The following SYNE1 variants were observed in gnomAD, a reference collection of about 807,000 sequenced individuals.
SYNE1 encodes the protein nesprin-1.
SYNE1 carries 616 observed loss-of-function variants against 1,111.0 expected under a neutral mutation model. The observed-to-expected ratio is 0.55, with a 90% CI of 0.52 to 0.59. The LOEUF is 0.59. Among genes scored for constraint, SYNE1 ranks in the 20% least tolerant of loss-of-function variants. The pLI, the probability that SYNE1 is intolerant of heterozygous loss-of-function variation, is 0.00. For synonymous variants in SYNE1, 3,855 were observed against 3,825.8 expected (o/e 1.01, Z -0.28); for missense variants, 10,006 against 10,417.0 (o/e 0.96, Z 1.72).
chr6:152,424,662 A>T (rs2098324444), intron 39 of SYNE1, among the ~76,000 whole-genome samples: 1 of 152,244 alleles, frequency 6.6e-6, no homozygotes, highest in Non-Finnish European at 1.5e-5. Context: ...GATTGAATAC[A>T]GGAATAAATA....
intron 130 of SYNE1, among the ~76,000 whole-genome samples, chr6:152,173,663 T>C (rs2065735936): frequency 6.6e-6 from 1 of 152,176 alleles, no homozygotes; most frequent in African/African-American, 2.4e-5. Flanking sequence ...GACTCTAACA[T>C]GGTGTTAAAC....
intron 130 of SYNE1, among the ~76,000 whole-genome samples, chr6:152,168,837 T>C (rs1275330026): frequency 6.6e-6 from 1 of 152,148 alleles, no homozygotes; most frequent in Non-Finnish European, 1.5e-5. Context: ...TGCAAAACTT[T>C]TGTCCTTTAA....
intron 62 of SYNE1, among the ~76,000 whole-genome samples, chr6:152,366,672 C>G (rs2097087086): frequency 1.3e-5 from 2 of 152,170 alleles, no homozygotes; most frequent in South Asian, 4.1e-4. Context: ...ATTTCGACCT[C>G]CAACTTCAGA....
chr6:152,363,345 T>C (rs2096975254), intron 63 of SYNE1, among the ~76,000 whole-genome samples: 1 of 148,572 alleles, frequency 6.7e-6, no homozygotes, highest in Admixed American at 6.7e-5. Flanking sequence ...ATACAAAAAA[T>C]TAGCCGGGCA....
At chr6:152,494,301 C>T (rs1235896214) in intron 11 of SYNE1, among the ~76,000 whole-genome samples, 2 of 152,188 alleles carry the variant, frequency 1.3e-5, no homozygotes, top group Non-Finnish European at 2.9e-5. Context: ...CCCACAATTA[C>T]CATTGTTCCT....
Position 152,130,721 on chromosome 6 carries a change from T to C in SYNE1, c.26152A>G (p.Arg8718Gly), listed in dbSNP as rs151281204. The stretch of plus-strand genomic sequence containing the variant: ...GTGGAAACCAGGAGAAGGAGGTACC[T>C]GCTATGTGGACTGCTGACAGAGGGT... ...PGPSVSSPHS[R>G]STKGGSDSSL... Residue 8718 changes from arginine to glycine, a missense_variant and splice_region_variant, in exon 145 of 146, where the codon AGG (arginine) becomes GGG (glycine). Coordinates refer to ENST00000367255, the MANE Select transcript of SYNE1 (RefSeq NM_182961.4). 1 of 1,614,066 alleles carries C rather than the reference T, an allele frequency of 6.2e-7. No individual in the cohort carries two copies. The highest frequency in any genetic ancestry group is 1.3e-5 in the African/African-American group (1 of 74,936).
At chr6:152,555,384 T>C (rs1221305753) in intron 3 of SYNE1, among the ~76,000 whole-genome samples, 3 of 152,194 alleles carry the variant, frequency 2.0e-5, no homozygotes, top group African/African-American at 7.2e-5. Context: ...TATTTAACAT[T>C]GTAGTACAAT....
intron 40 of SYNE1, among the ~76,000 whole-genome samples, chr6:152,418,455 A>G (rs1206257128): frequency 6.6e-6 from 1 of 152,198 alleles, no homozygotes; most frequent in Non-Finnish European, 1.5e-5. Context: ...AGGAGTGAAC[A>G]CTCAATAAAT....
chr6:152,608,223 G>C (rs1008919937), intron 3 of SYNE1, among the ~76,000 whole-genome samples: 7 of 152,184 alleles, frequency 4.6e-5, no homozygotes, highest in African/African-American at 1.7e-4. Context: ...GCGCTCTCTT[G>C]CTTGCTTGCT....
chr6:152,577,351 G>T lies in SYNE1; in HGVS notation c.68-37330C>A, dbSNP rs923201610. Reference sequence around the variant, plus strand: ...CATTTTAAATCATAAAAATATTCTTGCCTGGGCGCGGTGGCTCGCACCTGT... The same window carrying T: ...CATTTTAAATCATAAAAATATTCTTTCCTGGGCGCGGTGGCTCGCACCTGT... On this transcript the variant is annotated intron_variant, in intron 3 of 145. Coordinates refer to ENST00000367255, the MANE Select transcript of SYNE1 (RefSeq NM_182961.4). 2.0e-5 allele frequency among the ~76,000 whole-genome samples: 3 copies of T among 152,166 alleles called. No individual in the cohort carries two copies. The East Asian group carries it at 5.8e-4, about 29-fold the overall frequency.
In SYNE1 at chr6:152,444,412, T is replaced by A; in HGVS notation, c.3836A>T (p.Gln1279Leu). The A allele has an allele frequency of 6.2e-7, 1 of 1,613,732 alleles. No homozygotes were observed. Among genetic ancestry groups the A allele is most frequent in the Non-Finnish European group, 8.5e-7 (1 of 1,179,876 alleles). ...FEAQQLLLHH[Q>L]QKTKRISAKK... ...GTTGGAAGAAAGAGGCATTTTTACC[T>A]GGTGATGAAGAAGTAACTGCTGTGC... is the stretch of plus-strand genomic sequence containing the variant. Residue 1279 changes from glutamine (Q) to leucine (L), a missense_variant and splice_region_variant, in exon 30 of 146, where the codon CAG (glutamine) becomes CTG (leucine). Physicochemically the swap from Gln to Leu is moderately radical, Grantham distance 113. Transcript: ENST00000367255.
At chr6:152,301,727 A>T in intron 92 of SYNE1, 142 bp downstream of exon 92, 2 of 898,638 alleles carry the variant, frequency 2.2e-6, no homozygotes, top group Non-Finnish European at 3.3e-6. Flanking sequence ...CGGTAGTCAA[A>T]GAGACTTAAG....
At chr6:152,351,527 T>A (rs2096740209) in intron 70 of SYNE1, among the ~76,000 whole-genome samples, 1 of 152,252 alleles carries the variant, frequency 6.6e-6, no homozygotes, top group Admixed American at 6.5e-5. Flanking sequence ...TATAGCCACA[T>A]CACTATTTAT....
At chr6:152,170,518 C>T (rs1444098908) in intron 130 of SYNE1, among the ~76,000 whole-genome samples, 1 of 152,192 alleles carries the variant, frequency 6.6e-6, no homozygotes, top group African/African-American at 2.4e-5. Flanking sequence ...TAGTTCTGTG[C>T]TGTTTCTGTG....
At chr6:152,598,245 C>T (rs1004754610) in intron 3 of SYNE1, among the ~76,000 whole-genome samples, 1 of 152,076 alleles carries the variant, frequency 6.6e-6, no homozygotes, top group Non-Finnish European at 1.5e-5. Flanking sequence ...GAACAAGTCT[C>T]ACGAGATCTG....
rs1438712907 is a variant in SYNE1 at position 152,280,084 on chromosome 6, G to A, written c.18381+1723C>T. Among the ~76,000 whole-genome samples, 3 of 152,152 alleles carry A rather than the reference G, an allele frequency of 2.0e-5. No homozygotes were observed. The East Asian group carries it at 5.8e-4, about 29-fold the overall frequency. On this transcript the variant is annotated intron_variant, in intron 97 of 145. Transcript: ENST00000367255. Reference sequence around the variant, plus strand: ...TTTTAGCACTTCCATGGGGGAAACAGCCTACAAAAATGAAGTGCCCAGACC... The same window carrying A: ...TTTTAGCACTTCCATGGGGGAAACAACCTACAAAAATGAAGTGCCCAGACC...
intron 3 of SYNE1, among the ~76,000 whole-genome samples, chr6:152,612,633 C>T (rs1727031): frequency 0.72 from 108,784 of 151,992 alleles, 39,019 homozygotes; most frequent in East Asian, 0.81. Flanking sequence ...GAGTGAATCC[C>T]CCCTAACTCA....
chr6:152,543,703 A>T (rs1388007739), intron 3 of SYNE1, among the ~76,000 whole-genome samples: 1 of 152,232 alleles, frequency 6.6e-6, no homozygotes, highest in African/African-American at 2.4e-5. Flanking sequence ...GATTATAAAC[A>T]CAACTGAAAA....
At chr6:152,340,112 G>A (rs2096498898) in intron 74 of SYNE1, among the ~76,000 whole-genome samples, 1 of 152,182 alleles carries the variant, frequency 6.6e-6, no homozygotes, top group Non-Finnish European at 1.5e-5. Flanking sequence ...TAAGCAGATA[G>A]CGTATGAGGA....
Sources: allele counts gnomAD v4.1 joint callset (sites outside exome capture counted in the v4.1 genomes callset), GRCh38; gene constraint gnomAD v4.1.1; transcripts MANE v1.5; gene names NCBI Gene and HGNC (gene_info 2026-07-23, HGNC 2026-07-21).